SRCAP: variants seen among roughly 807,000 people sequenced by gnomAD.
The protein encoded by SRCAP is Snf2 related CREBBP activator protein, also known as chromatin remodeling protein SRCAP.
In SRCAP, 46 loss-of-function variants were observed where a neutral mutation model predicts 263.1. The ratio of observed to expected loss-of-function variants is 0.17; its 90% CI spans 0.14 to 0.22. SRCAP has a LOEUF of 0.22. SRCAP is among the 10% of genes least tolerant of loss of function. The pLI is 1.00. For missense variants in SRCAP, 3,695 were observed against 4,181.9 expected, an observed-to-expected ratio of 0.88 and a Z score of 3.21; for synonymous variants, 1,813 against 1,662.1, an observed-to-expected ratio of 1.09 and a Z score of -2.21.
intron 31 of SRCAP, 117 bp downstream of exon 31, chr16:30,734,732 A>G: frequency 6.8e-7 from 1 of 1,468,426 alleles, no homozygotes; most frequent in Non-Finnish European, 9.2e-7. Context: ...TTCCCAGATT[A>G]CAGTCAGCCT....
At chr16:30,718,719 C>T (rs1167836315) in intron 18 of SRCAP, among the ~76,000 whole-genome samples, 1 of 152,014 alleles carries the variant, frequency 6.6e-6, no homozygotes, top group East Asian at 1.9e-4. Flanking sequence ...AATCTGCCTG[C>T]CTTGGCCTCC....
chr16:30,723,949 T>A lies in SRCAP; in HGVS notation c.4525T>A (p.Leu1509Met), dbSNP rs1356087285. The change falls in exon 25 of 34, where the codon TTG (leucine) becomes ATG (methionine). Residue 1509 changes from leucine to methionine, a missense_variant. Physicochemically the swap from Leu to Met is conservative, Grantham distance 15. Coordinates refer to ENST00000262518, the MANE Select transcript of SRCAP (RefSeq NM_006662.3). ...GTCAGCATCAGCCTTGACTCTAGGT[T>A]TGGCCACAGCTCCATCCCTGTCTTC... Reference protein sequence around the residue: ...SPSASALTLGLATAPSLSSSQ... With the variant: ...SPSASALTLGMATAPSLSSSQ... 6.2e-7 allele frequency: 1 copy of A among 1,614,148 alleles called. No homozygotes were observed. The highest frequency in any genetic ancestry group is 1.3e-5 in the African/African-American group (1 of 75,034).
At position 30,739,600 on chromosome 16, in the gene SRCAP, C is replaced by T; in HGVS notation, c.9560C>T (p.Pro3187Leu). ...GAGGAGGAGGAAGGGGATGGGACCC[C>T]ACGCCGACGTCCTGGCCCCCGCCGG... The part of the protein sequence containing the change: ...SGEEEEGDGT[P>L]RRRPGPRRLV... The change falls in exon 34 of 34, where the codon CCA (proline) becomes CTA (leucine). Residue 3187 changes from proline (P) to leucine (L), a missense_variant. Around this residue, in one of 12 missense-constraint regions of SRCAP, gnomAD observed 1,207 missense variants for 1,142.9 expected, o/e 1.06. Transcript: ENST00000262518. 6.3e-7 allele frequency: 1 copy of T among 1,596,408 alleles called. No homozygotes were observed.
Position 30,700,808 on chromosome 16 carries a change from A to G in SRCAP, c.-17A>G. On this transcript the variant is annotated 5_prime_UTR_variant, in exon 3 of 34. Transcript: ENST00000262518. ...GTCATTCTTCAGGCATCCAAGGGGG[A>G]GCCTGGGAGTGGGACCATGCAGAGC... 1 of 1,612,240 alleles carries G rather than the reference A, an allele frequency of 6.2e-7. No individual in the cohort carries two copies. Among genetic ancestry groups the G allele is most frequent in the Non-Finnish European group, 8.5e-7 (1 of 1,178,582 alleles).
intron 23 of SRCAP, 34 bp downstream of exon 23, chr16:30,722,782 TG>T (rs1405168997): frequency 6.3e-7 from 1 of 1,589,146 alleles, no homozygotes; most frequent in South Asian, 1.1e-5. Context: ...TAGCCCTTGC[TG>T]GCCTTGGTCC....
At chr16:30,703,876 G>A (rs1040333834) in intron 3 of SRCAP, among the ~76,000 whole-genome samples, 188 bp from the exon 4 acceptor site, 32 of 150,704 alleles carry the variant, frequency 2.1e-4, no homozygotes, top group Middle Eastern at 3.2e-3. Context: ...CAGCCTGGGC[G>A]ACAGAGCGAG....
chr16:30,729,305 A>G lies in SRCAP; in HGVS notation c.5925-65A>G, dbSNP rs1313086916. ...TGGATGTAGTGCTTAGGGCTGGTGA[A>G]GGTGTTAACTTCTGGGGCATTTCAG... On this transcript the variant is annotated intron_variant, in intron 26 of 33. Transcript: ENST00000262518. 2.5e-6 allele frequency: 4 copies of G among 1,605,274 alleles called. No individual in the cohort carries two copies. The East Asian group carries it at 8.9e-5, about 36-fold the overall frequency.
intron 3 of SRCAP, among the ~76,000 whole-genome samples, chr16:30,702,592 CTGCCT>C (rs2052779994): frequency 1.6e-5 from 2 of 122,878 alleles, no homozygotes; most frequent in Non-Finnish European, 3.4e-5. Flanking sequence ...CCTCCCTTCC[CTGCCT>C]TCCCTCCCTC....
chr16:30,721,445 T>G lies in SRCAP; in HGVS notation c.3510T>G (p.Ile1170Met), dbSNP rs1213286016. 6.2e-7 allele frequency: 1 copy of G among 1,612,168 alleles called. No homozygotes were observed. The highest frequency in any genetic ancestry group is 1.1e-5 in the South Asian group (1 of 91,084). The change falls in exon 21 of 34, where the codon ATT (isoleucine) becomes ATG (methionine). Residue 1170 changes from isoleucine (I) to methionine (M), a missense_variant. This residue lies in a region of SRCAP where 1,347 missense variants were observed against 1,304.4 expected (regional missense o/e 1.03). Coordinates refer to ENST00000262518, the MANE Select transcript of SRCAP (RefSeq NM_006662.3). ...PAPTPAPQRL[I>M]LSPDMQARLP... Reference sequence around the variant, plus strand: ...CGACTCCTGCACCACAGCGCCTCATTCTATCTCCCGATATGCAGGCTCGCC... The same window carrying G: ...CGACTCCTGCACCACAGCGCCTCATGCTATCTCCCGATATGCAGGCTCGCC...
chr16:30,721,821 A>G (rs903611165), intron 21 of SRCAP, among the ~76,000 whole-genome samples: 1 of 152,254 alleles, frequency 6.6e-6, no homozygotes, highest in African/African-American at 2.4e-5. Flanking sequence ...TAAGCCTAGC[A>G]GTAGAAAAGT....
chr16:30,709,650 C>T lies in SRCAP; in HGVS notation c.771C>T (p.Ser257=). The part of the protein sequence containing the change: ...LSQSLNQPLT[S]SKAGSSPCLG... ...AGAGCCTCAACCAGCCATTAACCTC[C>T]AGCAAAGCAGGCTCTTCCCCTTGCC... Residue 257 remains serine, a synonymous_variant, in exon 7 of 34, where the codon TCC becomes TCT. Transcript: ENST00000262518. The T allele has an allele frequency of 1.9e-6, 3 of 1,614,188 alleles. No individual in the cohort carries two copies. Among genetic ancestry groups the T allele is most frequent in the Non-Finnish European group, 2.5e-6 (3 of 1,180,030 alleles).
intron 25 of SRCAP, chr16:30,726,189 G>A (rs1479059386): frequency 6.6e-6 from 1 of 152,092 alleles, no homozygotes; most frequent in Admixed American, 6.6e-5. Flanking sequence ...ATTTTATTGT[G>A]TTATAGCGTA....
chr16:30,733,149 T>C lies in SRCAP; in HGVS notation c.6128-131T>C. 9.3e-7 allele frequency: 1 copy of C among 1,070,534 alleles called. No individual in the cohort carries two copies. Among genetic ancestry groups the C allele is most frequent in the Non-Finnish European group, 1.3e-6 (1 of 741,998 alleles). The allele number at this position is 1,070,534 out of a possible 1,614,324, so 66.3% of individuals were successfully genotyped here. A position where few individuals can be genotyped will look rare whatever the true frequency, so the allele number is the denominator to read the frequency against. ...CCATGCCCTGCCGTAGTTAAACATT[T>C]TTGATCTGCTAGGCTAATTGAAACT... On this transcript the variant is annotated intron_variant, in intron 27 of 33. Transcript: ENST00000262518. This position sits in a 1 kb window ranked among gnomAD's most constrained non-coding sequence, Gnocchi z 5.3.
At chr16:30,728,909 G>C in intron 25 of SRCAP, 57 bp from the exon 26 acceptor site, 5 of 1,538,998 alleles carry the variant, frequency 3.2e-6, no homozygotes, top group South Asian at 1.2e-5. Flanking sequence ...AGAACAGTCA[G>C]GTTTTGATGT....
chr16:30,720,946 C>T lies in SRCAP; in HGVS notation c.3221C>T (p.Pro1074Leu), dbSNP rs2053005489. ...CCTCCTGGCCCTGTCCTCTTGCCTC[C>T]ACTGCAGCCCAACAGTGGTTCTCTC... ...SRPPGPVLLP[P>L]LQPNSGSLPQ... is the part of the protein sequence containing the mutation. The change falls in exon 20 of 34, where the codon CCA becomes CTA. Residue 1074 changes from proline (P) to leucine (L), a missense_variant. Transcript: ENST00000262518. The T allele has an allele frequency of 1.2e-6, 2 of 1,611,864 alleles. No homozygotes were observed. Among genetic ancestry groups the T allele is most frequent in the South Asian group, 1.1e-5 (1 of 90,682 alleles).
In SRCAP at chr16:30,724,330, T is replaced by C; in HGVS notation, c.4906T>C (p.Ser1636Pro). The C allele has an allele frequency of 1.9e-6, 3 of 1,614,082 alleles. No individual in the cohort carries two copies. The South Asian group carries it at 3.3e-5, about 18-fold the overall frequency. Residue 1636 changes from serine (S) to proline (P), a missense_variant, in exon 25 of 34, where the codon TCT becomes CCT. Physicochemically the swap from Ser to Pro is moderately conservative, Grantham distance 74. This residue lies in a region of SRCAP where 1,347 missense variants were observed against 1,304.4 expected (regional missense o/e 1.03). Transcript: ENST00000262518. ...QTPVPVMAPS[S>P]TPGTSLASAS... ...TCCGGTTCCAGTTATGGCTCCATCG[T>C]CTACTCCAGGAACCTCTTTAGCCTC... is the stretch of plus-strand genomic sequence containing the variant.
In SRCAP at chr16:30,737,199, G is replaced by A; in HGVS notation, c.7159G>A (p.Ala2387Thr). The A allele has an allele frequency of 6.2e-7, 1 of 1,614,114 alleles. No individual in the cohort carries two copies. Residue 2387 changes from alanine to threonine, a missense_variant, in exon 34 of 34, where the codon GCC becomes ACC. Ala to Thr is a moderately conservative substitution (Grantham distance 58). Around this residue, in one of 12 missense-constraint regions of SRCAP, gnomAD observed 1,207 missense variants for 1,142.9 expected, o/e 1.06. Transcript: ENST00000262518. Reference sequence around the variant, plus strand: ...CCACCGGCGCAGTAAAAAGGCCAAAGCCCCTGAGAGGCCGGGGACTCGTGT... The same window carrying A: ...CCACCGGCGCAGTAAAAAGGCCAAAACCCCTGAGAGGCCGGGGACTCGTGT... ...GTHRRSKKAK[A>T]PERPGTRVSE...
chr16:30,736,096 C>G, intron 31 of SRCAP, 104 bp from the exon 32 acceptor site: 5 of 1,393,684 alleles, frequency 3.6e-6, no homozygotes, highest in Non-Finnish European at 4.9e-6. Context: ...TGTTGCAAAC[C>G]TAGTTTGGTG....
At chr16:30,719,302 G>T (rs571854053) in intron 18 of SRCAP, among the ~76,000 whole-genome samples, 82 of 151,616 alleles carry the variant, frequency 5.4e-4, no homozygotes, top group African/African-American at 1.8e-3. Context: ...TGCAAGCTCC[G>T]CCCCTCCAGG....
Sources: allele counts gnomAD v4.1 joint callset (sites outside exome capture counted in the v4.1 genomes callset), GRCh38; gene constraint gnomAD v4.1.1; regional missense constraint gnomAD v4.1.1; non-coding constraint Gnocchi (gnomAD v3.1); transcripts MANE v1.5; gene names NCBI Gene and HGNC (gene_info 2026-07-23, HGNC 2026-07-21).